COX7B2: variants seen among roughly 807,000 people sequenced by gnomAD.
COX7B2 encodes cytochrome c oxidase subunit 7B2, also known as cytochrome c oxidase subunit 7B2, mitochondrial.
For synonymous variants in COX7B2, 37 were observed against 32.1 expected, an observed-to-expected ratio of 1.15 and a Z score of -0.51; for missense variants, 109 against 95.9, an observed-to-expected ratio of 1.14 and a Z score of -0.57.
intron 2 of COX7B2, among the ~76,000 whole-genome samples, chr4:46,753,746 C>A (rs1045564721): frequency 6.6e-6 from 1 of 151,838 alleles, no homozygotes; most frequent in East Asian, 1.9e-4. Flanking sequence ...TTCTGCAGAG[C>A]AAAAGAAACT....
chr4:46,816,803 A>G (rs1227299625), intron 2 of COX7B2, among the ~76,000 whole-genome samples: 3 of 152,196 alleles, frequency 2.0e-5, no homozygotes, highest in African/African-American at 7.2e-5. Context: ...CTAGAAATAA[A>G]TCTGTGTTAC....
At chr4:46,766,058 G>A (rs1266594947) in intron 2 of COX7B2, among the ~76,000 whole-genome samples, 1 of 152,156 alleles carries the variant, frequency 6.6e-6, no homozygotes, top group Non-Finnish European at 1.5e-5. Context: ...AAAGACACAA[G>A]CACTCAGCCA....
At chr4:46,845,857 A>G (rs188249207) in intron 1 of COX7B2, among the ~76,000 whole-genome samples, 1 of 152,028 alleles carries the variant, frequency 6.6e-6, no homozygotes, top group African/African-American at 2.4e-5. Flanking sequence ...ATAATCTGGC[A>G]TATGGTTAAA....
intron 2 of COX7B2, among the ~76,000 whole-genome samples, chr4:46,766,915 A>T (rs796141755): frequency 1.3e-5 from 2 of 152,212 alleles, no homozygotes; most frequent in Admixed American, 1.3e-4. Context: ...AAATTATCAC[A>T]TCATACGGGA....
At chr4:46,775,386 A>C (rs1233368099) in intron 2 of COX7B2, among the ~76,000 whole-genome samples, 1 of 152,140 alleles carries the variant, frequency 6.6e-6, no homozygotes, top group South Asian at 2.1e-4. Context: ...ACTGTATTTT[A>C]GGATGACTAA....
chr4:46,819,185 A>G (rs1270058373), intron 2 of COX7B2, among the ~76,000 whole-genome samples: 1 of 152,184 alleles, frequency 6.6e-6, no homozygotes, highest in Non-Finnish European at 1.5e-5. Context: ...CTCATGCAAA[A>G]AAATCTATAA....
At chr4:46,803,490 T>C (rs1577722955) in intron 2 of COX7B2, among the ~76,000 whole-genome samples, 2 of 152,278 alleles carry the variant, frequency 1.3e-5, no homozygotes, top group East Asian at 1.9e-4. Context: ...AATATTTCAT[T>C]AGTCATATTT....
chr4:46,799,268 C>T (rs764516149), intron 2 of COX7B2, among the ~76,000 whole-genome samples: 6 of 152,050 alleles, frequency 3.9e-5, no homozygotes, highest in African/African-American at 7.2e-5. Context: ...TGGGCAGAAA[C>T]GATGAGGTTT....
intron 2 of COX7B2, among the ~76,000 whole-genome samples, chr4:46,803,703 A>C (rs1449151662): frequency 7.0e-6 from 1 of 143,786 alleles, no homozygotes; most frequent in Non-Finnish European, 1.5e-5. Flanking sequence ...GTTGTTGCTC[A>C]TTGGCTTAAA....
At chr4:46,802,259 T>C (rs1317923886) in intron 2 of COX7B2, among the ~76,000 whole-genome samples, 3 of 152,120 alleles carry the variant, frequency 2.0e-5, no homozygotes, top group Non-Finnish European at 4.4e-5. Context: ...CAGAAGATTG[T>C]AGGACCTATA....
intron 1 of COX7B2, among the ~76,000 whole-genome samples, chr4:46,901,127 T>C (rs555795582): frequency 4.8e-4 from 73 of 152,316 alleles, no homozygotes; most frequent in African/African-American, 1.4e-3. Context: ...AAAAAGCATA[T>C]GTAACATTGA....
intron 2 of COX7B2, among the ~76,000 whole-genome samples, chr4:46,799,575 T>A (rs549353348): frequency 6.6e-6 from 1 of 152,320 alleles, no homozygotes; most frequent in Non-Finnish European, 1.5e-5. Flanking sequence ...AGGAATGTTG[T>A]ACTTTATCAA....
At chr4:46,858,599 A>C (rs750052757) in intron 1 of COX7B2, among the ~76,000 whole-genome samples, 10 of 152,198 alleles carry the variant, frequency 6.6e-5, no homozygotes, top group Non-Finnish European at 1.2e-4. Context: ...GGTTTGGTGA[A>C]GGTTGAGACC....
At chr4:46,769,779 T>A (rs893650155) in intron 2 of COX7B2, among the ~76,000 whole-genome samples, 30 of 152,142 alleles carry the variant, frequency 2.0e-4, no homozygotes, top group African/African-American at 6.3e-4. Flanking sequence ...CAGAAAAAAA[T>A]TTTGACAAAT....
chr4:46,767,417 T>G (rs999559180), intron 2 of COX7B2, among the ~76,000 whole-genome samples: 1 of 152,180 alleles, frequency 6.6e-6, no homozygotes, highest in Non-Finnish European at 1.5e-5. Flanking sequence ...GTAAGGAACT[T>G]TAGTACCCCA....
At chr4:46,762,452 C>CTATATATATATAG in intron 2 of COX7B2, among the ~76,000 whole-genome samples, 1 of 132,124 alleles carries the variant, frequency 7.6e-6, no homozygotes, top group South Asian at 2.2e-4. Flanking sequence ...TATATATATA[C>CTATATATATATAG]TATATATAGT....
At chr4:46,854,564 C>G (rs1716892576) in intron 1 of COX7B2, among the ~76,000 whole-genome samples, 1 of 152,162 alleles carries the variant, frequency 6.6e-6, no homozygotes, top group African/African-American at 2.4e-5. Context: ...AAGGCTAGTG[C>G]CTATTTTTCT....
chr4:46,756,702 A>G (rs1465071426), intron 2 of COX7B2, among the ~76,000 whole-genome samples: 1 of 152,112 alleles, frequency 6.6e-6, no homozygotes, highest in Non-Finnish European at 1.5e-5. Context: ...AATATTCAAC[A>G]TCACTAGTCA....
intron 1 of COX7B2, among the ~76,000 whole-genome samples, chr4:46,886,015 T>C (rs1719064356): frequency 6.6e-6 from 1 of 152,118 alleles, no homozygotes; most frequent in Non-Finnish European, 1.5e-5. Context: ...AATGATAACG[T>C]AGATTTTCAA....
Sources: allele counts gnomAD v4.1 joint callset (sites outside exome capture counted in the v4.1 genomes callset), GRCh38; gene constraint gnomAD v4.1.1; transcripts MANE v1.5; gene names NCBI Gene and HGNC (gene_info 2026-07-23, HGNC 2026-07-21).